ZBTB49: variants seen among roughly 807,000 people sequenced by gnomAD.
ZBTB49 encodes the protein zinc finger and BTB domain containing 49, also known as zinc finger and BTB domain-containing protein 49.
ZBTB49 carries 43 observed loss-of-function variants against 57.5 expected under a neutral mutation model. That is an observed-to-expected ratio of 0.75 (90% CI 0.59 to 0.97). ZBTB49 has a LOEUF of 0.97. Among genes scored for constraint, ZBTB49 ranks in the 50% least tolerant of loss-of-function variants. The probability of loss-of-function intolerance (pLI) is 0.00; values close to 1 mark genes in which losing one functional copy is unlikely to be tolerated. For synonymous variants in ZBTB49, 369 were observed against 362.1 expected (o/e 1.02, Z -0.22); for missense variants, 938 against 947.7 (o/e 0.99, Z 0.13).
intron 2 of ZBTB49, 43 bp from the exon 3 acceptor site, chr4:4,301,946 G>A (rs764674948): frequency 4.9e-6 from 7 of 1,420,362 alleles, no homozygotes; most frequent in Non-Finnish European, 6.5e-6. Flanking sequence ...AAAAGATGGT[G>A]TGAATTTTTG....
Position 4,321,408 on chromosome 4 carries a change from C to T in ZBTB49, c.*92C>T. ...GGACCCAGTTTCCCCATGACAGTGC[C>T]TTCTAACTAGCCAGAGAATAGGTAG... On this transcript the variant is annotated 3_prime_UTR_variant, in exon 8 of 8. Transcript: ENST00000337872. 7 of 1,309,592 alleles carry T rather than the reference C, an allele frequency of 5.3e-6. No individual in the cohort carries two copies. The highest frequency in any genetic ancestry group is 2.6e-5 in the South Asian group (2 of 77,988). 81.1% of individuals were successfully genotyped at this position (1,309,592 alleles called of 1,614,324 possible). A position where few individuals can be genotyped will look rare whatever the true frequency, so the allele number is the denominator to read the frequency against.
intron 7 of ZBTB49, among the ~76,000 whole-genome samples, chr4:4,318,379 G>A (rs1028582902): frequency 1.6e-4 from 24 of 152,322 alleles, no homozygotes; most frequent in South Asian, 1.2e-3. Context: ...ACTTTGGGAG[G>A]CCGAGGCAGG....
chr4:4,293,224 A>C (rs1055507827), intron 1 of ZBTB49, among the ~76,000 whole-genome samples: 1 of 152,208 alleles, frequency 6.6e-6, no homozygotes, highest in African/African-American at 2.4e-5. Context: ...TCTTCACCAC[A>C]GAAAATTTTT....
chr4:4,301,623 A>G (rs1720475333), intron 2 of ZBTB49, among the ~76,000 whole-genome samples: 1 of 152,170 alleles, frequency 6.6e-6, no homozygotes, highest in Admixed American at 6.5e-5. Flanking sequence ...ACCTTTCGAA[A>G]AAATATTTAG....
intron 7 of ZBTB49, among the ~76,000 whole-genome samples, chr4:4,320,028 C>G (rs549796734): frequency 3.3e-4 from 51 of 152,364 alleles, no homozygotes; most frequent in African/African-American, 1.2e-3. Flanking sequence ...AATGCCACTT[C>G]ACTCCAGCCT....
rs774558213 is a variant in ZBTB49, at chr4:4,302,669, C to A, written c.833C>A (p.Ala278Asp). 1.6e-5 allele frequency: 25 copies of A among 1,610,336 alleles called. No individual in the cohort carries two copies. The South Asian group carries it at 2.4e-4, about 16-fold the overall frequency. Residue 278 changes from alanine to aspartate, a missense_variant, in exon 3 of 8, where the codon GCC becomes GAC. By Grantham distance (126) the Ala-to-Asp change is moderately radical. This residue lies in a region of ZBTB49 where 835 missense variants were observed against 819.1 expected (regional missense o/e 1.02). Transcript: ENST00000337872. Reference protein sequence around the residue: ...SPEHLPSNFLAQPVNDSAPHP... With the variant: ...SPEHLPSNFLDQPVNDSAPHP... Reference sequence around the variant, plus strand: ...GAGCACTTACCTTCCAACTTCCTGGCCCAGCCTGTGAATGACTCTGCCCCA... The same window carrying A: ...GAGCACTTACCTTCCAACTTCCTGGACCAGCCTGTGAATGACTCTGCCCCA...
At position 4,301,202 on chromosome 4, in the gene ZBTB49, G is replaced by A. The variant is rs527619732; in HGVS notation, c.153-787G>A. 2.6e-5 allele frequency among the ~76,000 whole-genome samples: 4 copies of A among 152,294 alleles called. No individual in the cohort carries two copies. In the East Asian group the frequency reaches 7.7e-4, roughly 29 times the overall value. ...GGCTGTTTGGGGGAAATAGGTGATT[G>A]TATTTGACAAAATGTCTTCAACTTA... On this transcript the variant is annotated intron_variant, in intron 2 of 7. Coordinates refer to ENST00000337872, the MANE Select transcript of ZBTB49 (RefSeq NM_145291.4).
chr4:4,319,701 A>G (rs944098628), intron 7 of ZBTB49, among the ~76,000 whole-genome samples: 5 of 152,026 alleles, frequency 3.3e-5, no homozygotes, highest in Admixed American at 2.6e-4. Flanking sequence ...CACCTTGTAA[A>G]TCCCAGCTAC....
At chr4:4,291,168 A>G (rs867107258) in intron 1 of ZBTB49, among the ~76,000 whole-genome samples, 142 of 152,368 alleles carry the variant, frequency 9.3e-4, no homozygotes, top group African/African-American at 3.2e-3. Context: ...AGGACTGCAA[A>G]CAAAATACTG....
At chr4:4,307,983 A>C (rs1720813655) in intron 4 of ZBTB49, among the ~76,000 whole-genome samples, 1 of 152,032 alleles carries the variant, frequency 6.6e-6, no homozygotes, top group African/African-American at 2.4e-5. Context: ...GCTGCAGTCC[A>C]CCTCCACTCC....
At chr4:4,299,138 T>A (rs1030495028) in intron 1 of ZBTB49, among the ~76,000 whole-genome samples, 37 of 152,240 alleles carry the variant, frequency 2.4e-4, no homozygotes, top group African/African-American at 8.9e-4. Flanking sequence ...CTCTGTCCCC[T>A]CTAGGATGTC....
At chr4:4,303,143 C>T in intron 3 of ZBTB49, 52 bp downstream of exon 3, 1 of 1,494,590 alleles carries the variant, frequency 6.7e-7, no homozygotes, top group Non-Finnish European at 8.9e-7. Context: ...TGCGGATGCT[C>T]AGACACCACT....
At chr4:4,305,278 G>T (rs1720687689) in intron 3 of ZBTB49, among the ~76,000 whole-genome samples, 1 of 152,064 alleles carries the variant, frequency 6.6e-6, no homozygotes, top group South Asian at 2.1e-4. Flanking sequence ...TTTCTTCAAG[G>T]TAGCAAGCCC....
intron 1 of ZBTB49, among the ~76,000 whole-genome samples, chr4:4,293,163 C>T (rs1293988391): frequency 6.6e-6 from 1 of 152,234 alleles, no homozygotes; most frequent in East Asian, 1.9e-4. Context: ...GTCAAAGACA[C>T]TCTGCTAGGC....
At chr4:4,293,603 T>A (rs1358865350) in intron 1 of ZBTB49, among the ~76,000 whole-genome samples, 4 of 152,242 alleles carry the variant, frequency 2.6e-5, no homozygotes, top group Non-Finnish European at 5.9e-5. Context: ...AACTATTTTA[T>A]CTCATAATTC....
At chr4:4,292,502 T>A (rs977244379) in intron 1 of ZBTB49, among the ~76,000 whole-genome samples, 2 of 152,174 alleles carry the variant, frequency 1.3e-5, no homozygotes, top group Non-Finnish European at 2.9e-5. Flanking sequence ...TTGTCAGCAT[T>A]CCATCCTCGC....
At chr4:4,305,150 T>C (rs114170206) in intron 3 of ZBTB49, among the ~76,000 whole-genome samples, 5,520 of 66,608 alleles carry the variant, frequency 0.083, 139 homozygotes, top group Admixed American at 0.12. Flanking sequence ...ATTAATGTAA[T>C]TATTAATTTA....
At chr4:4,296,883 C>T (rs552591568) in intron 1 of ZBTB49, among the ~76,000 whole-genome samples, 1 of 151,964 alleles carries the variant, frequency 6.6e-6, no homozygotes, top group Non-Finnish European at 1.5e-5. Context: ...CTGATGGAAC[C>T]AGGTTCTAGG....
Position 4,299,331 on chromosome 4 carries a change from T to A in ZBTB49, c.-19-596T>A, listed in dbSNP as rs150251002. On this transcript the variant is annotated intron_variant, in intron 1 of 7. Transcript: ENST00000337872. Reference sequence around the variant, plus strand: ...TGAGGGGACCTGCTTCTTTGCGATGTCTCTTATATCATTGTCTGGTGATGT... The same window carrying A: ...TGAGGGGACCTGCTTCTTTGCGATGACTCTTATATCATTGTCTGGTGATGT... Among the ~76,000 whole-genome samples, 511 of 152,292 alleles carry A rather than the reference T, an allele frequency of 3.4e-3. 3 individuals are homozygous for A. The highest frequency in any genetic ancestry group is 5.0e-3 in the Non-Finnish European group (340 of 68,032).
Sources: allele counts gnomAD v4.1 joint callset (sites outside exome capture counted in the v4.1 genomes callset), GRCh38; gene constraint gnomAD v4.1.1; regional missense constraint gnomAD v4.1.1; transcripts MANE v1.5; gene names NCBI Gene and HGNC (gene_info 2026-07-23, HGNC 2026-07-21).